Variants in AMBRA1 observed in about 807,000 individuals in gnomAD.
AMBRA1 encodes activating molecule in BECN1-regulated autophagy protein 1.
A neutral mutation model predicts 125.4 loss-of-function variants in AMBRA1; 47 were observed. The ratio of observed to expected loss-of-function variants is 0.37; its 90% confidence interval spans 0.30 to 0.48. The LOEUF is 0.48. Ranked by LOEUF, AMBRA1 falls within the 20% of genes least tolerant of loss-of-function variation. The pLI is 0.99. For synonymous variants in AMBRA1, 626 were observed against 655.5 expected (o/e 0.95, Z 0.69); for missense variants, 1,331 against 1,693.4 (o/e 0.79, Z 3.76).
At chr11:46,531,145 A>G (rs1281713673) in intron 7 of AMBRA1, among the ~76,000 whole-genome samples, 2 of 152,224 alleles carry the variant, frequency 1.3e-5, no homozygotes, top group East Asian at 3.9e-4. Flanking sequence ...GGCCTCCCAA[A>G]GTGCTGGGAT....
chr11:46,402,373 T>C (rs1193852346), intron 17 of AMBRA1, among the ~76,000 whole-genome samples: 1 of 152,146 alleles, frequency 6.6e-6, no homozygotes, highest in Non-Finnish European at 1.5e-5. Context: ...TTTTATTTTA[T>C]TTTTTTGAGA....
chr11:46,421,371 C>A (rs939080296), intron 14 of AMBRA1, among the ~76,000 whole-genome samples: 3 of 152,206 alleles, frequency 2.0e-5, no homozygotes, highest in African/African-American at 7.2e-5. Context: ...TAGGCTAAAT[C>A]CTGCTTTGTG....
intron 1 of AMBRA1, among the ~76,000 whole-genome samples, chr11:46,555,685 T>C (rs181583916): frequency 3.6e-4 from 55 of 152,326 alleles, no homozygotes; most frequent in Admixed American, 3.0e-3. Flanking sequence ...TATGTTTATG[T>C]GGCAAAAATA....
At chr11:46,550,493 A>G (rs1342345736) in intron 1 of AMBRA1, among the ~76,000 whole-genome samples, 2 of 152,162 alleles carry the variant, frequency 1.3e-5, no homozygotes, top group Admixed American at 1.3e-4. Flanking sequence ...CATCATGTAA[A>G]TATCCTATTA....
chr11:46,436,642 C>T, intron 12 of AMBRA1, among the ~76,000 whole-genome samples: 1 of 147,820 alleles, frequency 6.8e-6, no homozygotes, highest in Admixed American at 6.6e-5. Context: ...TTTGCCAAAA[C>T]AAAAACAAAA....
intron 1 of AMBRA1, among the ~76,000 whole-genome samples, chr11:46,575,105 T>C (rs2043908356): frequency 6.6e-6 from 1 of 152,172 alleles, no homozygotes; most frequent in Non-Finnish European, 1.5e-5. Context: ...AAATCCTTCA[T>C]TAAAAGTACC....
chr11:46,501,452 G>GCAC (rs1950835954), intron 9 of AMBRA1, among the ~76,000 whole-genome samples: 1 of 152,238 alleles, frequency 6.6e-6, no homozygotes, highest in Non-Finnish European at 1.5e-5. Flanking sequence ...AGCCACCTGT[G>GCAC]AGCCAGAATG....
At chr11:46,403,289 G>T (rs2136592893) in intron 17 of AMBRA1, among the ~76,000 whole-genome samples, 1 of 152,340 alleles carries the variant, frequency 6.6e-6, no homozygotes, top group East Asian at 1.9e-4. Flanking sequence ...ACCTCTGGGA[G>T]TACTGGTCTT....
At chr11:46,475,890 C>A (rs550381282) in intron 11 of AMBRA1, among the ~76,000 whole-genome samples, 1 of 152,320 alleles carries the variant, frequency 6.6e-6, no homozygotes, top group Non-Finnish European at 1.5e-5. Context: ...AAAGGATATA[C>A]TAAAATATCA....
chr11:46,424,770 T>C (rs542989931), intron 14 of AMBRA1, among the ~76,000 whole-genome samples: 1 of 151,876 alleles, frequency 6.6e-6, no homozygotes, highest in East Asian at 1.9e-4. Flanking sequence ...AGCCCAGTTA[T>C]TAAAATTTAC....
intron 7 of AMBRA1, among the ~76,000 whole-genome samples, chr11:46,527,443 G>GTAT (rs1952022074): frequency 1.8e-5 from 2 of 112,342 alleles, no homozygotes; most frequent in Admixed American, 2.6e-4. Context: ...TCATGCCACT[G>GTAT]TATTCCAGCC....
At chr11:46,402,240 C>A (rs968695906) in intron 17 of AMBRA1, among the ~76,000 whole-genome samples, 6 of 152,138 alleles carry the variant, frequency 3.9e-5, no homozygotes, top group Non-Finnish European at 8.8e-5. Flanking sequence ...TTACACTGGG[C>A]GTGTATTTGT....
chr11:46,434,773 C>T, intron 13 of AMBRA1, 76 bp downstream of exon 13: 1 of 1,447,368 alleles, frequency 6.9e-7, no homozygotes, highest in Admixed American at 2.5e-5. Flanking sequence ...CCCACCCAAG[C>T]TGTGCCTCAC....
At chr11:46,510,819 G>A (rs2135047255) in intron 8 of AMBRA1, among the ~76,000 whole-genome samples, 1 of 152,286 alleles carries the variant, frequency 6.6e-6, no homozygotes, top group African/African-American at 2.4e-5. Context: ...TGTATAGGGT[G>A]AAGCCTAAGA....
chr11:46,526,204 C>T lies in AMBRA1; in HGVS notation c.2073-13391G>A, dbSNP rs117427739. On this transcript the variant is annotated intron_variant, in intron 7 of 17. Transcript: ENST00000683756. ...CTGGGCAACAAGAGCGAAACATCGG[C>T]TCAAAAATAAATAAAAAACAATAAT... 4.9e-4 allele frequency among the ~76,000 whole-genome samples: 74 copies of T among 151,900 alleles called. No homozygotes were observed. The East Asian group carries it at 0.014, about 29-fold the overall frequency.
intron 7 of AMBRA1, among the ~76,000 whole-genome samples, chr11:46,521,443 A>AGG (rs1043919988): frequency 1.7e-4 from 26 of 152,380 alleles, no homozygotes; most frequent in African/African-American, 6.0e-4. Context: ...CAGGGGATGA[A>AGG]GGGGCAGGAG....
intron 7 of AMBRA1, among the ~76,000 whole-genome samples, chr11:46,523,541 T>C (rs1951844460): frequency 6.6e-6 from 1 of 152,240 alleles, no homozygotes; most frequent in African/African-American, 2.4e-5. Context: ...AATTCCCTGC[T>C]TGCTAAAAAT....
At chr11:46,412,721 T>A (rs1471906710) in intron 15 of AMBRA1, among the ~76,000 whole-genome samples, 1 of 152,144 alleles carries the variant, frequency 6.6e-6, no homozygotes, top group Non-Finnish European at 1.5e-5. Context: ...TAAACAGCCA[T>A]TTTTGTGGGG....
Position 46,443,603 on chromosome 11 carries a change from T to G in AMBRA1, c.2522-5A>C. The G allele has an allele frequency of 6.2e-7, 1 of 1,611,810 alleles. No homozygotes were observed. Among genetic ancestry groups the G allele is most frequent in the Non-Finnish European group, 8.5e-7 (1 of 1,178,054 alleles). On this transcript the variant is annotated splice_polypyrimidine_tract_variant and splice_region_variant and intron_variant, in intron 11 of 17. Transcript: ENST00000683756. ...GTCCATCACCGATCACTGCCCCTTA[T>G]GAGGAAGAAGTCAAAGACAGCACAT...
Sources: gnomAD v4.1 joint callset for allele counts (sites outside exome capture counted in the v4.1 genomes callset) on GRCh38, gnomAD v4.1.1 for gene constraint, MANE v1.5 for transcripts, NCBI Gene and HGNC (gene_info 2026-07-23, HGNC 2026-07-21) for gene names.